Variants in ITGA11 observed in about 807,000 individuals in gnomAD.
ITGA11 encodes the protein integrin alpha-11.
Under a neutral mutation model 141.9 loss-of-function variants are expected in ITGA11, and 97 were observed. The ratio of observed to expected loss-of-function variants is 0.68; its 90% CI spans 0.58 to 0.81. The LOEUF (loss-of-function observed/expected upper bound fraction) is 0.81, where lower values mean the gene tolerates loss of function less well. Ranked by LOEUF, ITGA11 falls within the 30% of genes least tolerant of loss-of-function variation. The probability of loss-of-function intolerance (pLI) is 0.00; values close to 1 mark genes in which losing one functional copy is unlikely to be tolerated. For missense variants in ITGA11, 1,387 were observed against 1,559.2 expected, an observed-to-expected ratio of 0.89 and a Z score of 1.86; for synonymous variants, 658 against 624.6, an observed-to-expected ratio of 1.05 and a Z score of -0.80.
chr15:68,384,753 G>A lies in ITGA11; in HGVS notation c.165-15469C>T, dbSNP rs115649734. The stretch of plus-strand genomic sequence containing the variant: ...TGATGCCGGATTTTATTTGTTCCAA[G>A]AGAAAATAGCGGAGAGCGTTTATGT... On this transcript the variant is annotated intron_variant, in intron 2 of 29. Coordinates refer to ENST00000315757, the MANE Select transcript of ITGA11 (RefSeq NM_001004439.2). 1.6e-3 allele frequency among the ~76,000 whole-genome samples: 238 copies of A among 152,316 alleles called. 1 individual carries two copies. The highest frequency in any genetic ancestry group is 3.5e-3 in the Admixed American group (53 of 15,300).
In ITGA11 at chr15:68,303,720, T is replaced by C; in HGVS notation, c.3495+52A>G. The C allele has an allele frequency of 7.6e-7, 1 of 1,313,708 alleles. No individual in the cohort carries two copies. Among genetic ancestry groups the C allele is most frequent in the Admixed American group, 1.8e-5 (1 of 55,854 alleles). The allele number at this position is 1,313,708 out of a possible 1,614,324, so 81.4% of individuals were successfully genotyped here. A position where few individuals can be genotyped will look rare whatever the true frequency, so the allele number is the denominator to read the frequency against. ...CCACGAAGTTCCAGGGGCTGGAGCC[T>C]GGGCCCACCAGCCAGGATGCTGCTC... On this transcript the variant is annotated intron_variant, in intron 29 of 29. Coordinates refer to ENST00000315757, the MANE Select transcript of ITGA11 (RefSeq NM_001004439.2). This position sits in a 1 kb window ranked among gnomAD's most constrained non-coding sequence, Gnocchi z 5.3.
Position 68,369,202 on chromosome 15 carries a change from A to G in ITGA11, c.247T>C (p.Cys83Arg). ...VYKCPVIHGN[C>R]TKLNLGRVTL... ...ACGTTACCCAGGTTGAGTTTGGTGC[A>G]GTTCCCGTGGATCACTGGACACTTG... Residue 83 changes from cysteine (C) to arginine (R), a missense_variant, in exon 3 of 30, where the codon TGC becomes CGC. By Grantham distance (180) the Cys-to-Arg change is radical. Coordinates refer to ENST00000315757, the MANE Select transcript of ITGA11 (RefSeq NM_001004439.2). The G allele has an allele frequency of 1.2e-6, 2 of 1,613,668 alleles. No homozygotes were observed. Among genetic ancestry groups the G allele is most frequent in the East Asian group, 4.5e-5 (2 of 44,888 alleles).
chr15:68,409,480 G>T (rs769509999), intron 1 of ITGA11, among the ~76,000 whole-genome samples: 7 of 151,822 alleles, frequency 4.6e-5, no homozygotes, highest in Non-Finnish European at 8.8e-5. Flanking sequence ...ACTGATAGTA[G>T]GTACTGATAG....
intron 1 of ITGA11, among the ~76,000 whole-genome samples, chr15:68,427,992 AAGGCTCATTTTGT>A (rs1897183694): frequency 6.6e-6 from 1 of 152,116 alleles, no homozygotes; most frequent in Non-Finnish European, 1.5e-5. Flanking sequence ...GAGGATTTTT[AAGGCTCATTTTGT>A]AGCTGACCTT....
intron 12 of ITGA11, among the ~76,000 whole-genome samples, chr15:68,334,804 A>G (rs1402425649): frequency 1.3e-5 from 2 of 152,138 alleles, no homozygotes; most frequent in East Asian, 3.9e-4. Flanking sequence ...TTCATCAGCA[A>G]ATTCCCTCCA....
At position 68,427,012 on chromosome 15, in the gene ITGA11, CAAAAAAAA is replaced by C. The variant is rs148867034; in HGVS notation, c.52+4995_52+5002del. 2.7e-4 allele frequency among the ~76,000 whole-genome samples: 13 copies of C among 47,780 alleles called. No individual in the cohort carries two copies. The South Asian group carries it at 3.7e-3, about 14-fold the overall frequency. 31.3% of individuals were successfully genotyped at this position (47,780 alleles called of 152,430 possible). On this transcript the variant is annotated intron_variant, in intron 1 of 29. Coordinates refer to ENST00000315757, the MANE Select transcript of ITGA11 (RefSeq NM_001004439.2). ...CCTGGGCGACAGAGCAAGACTGTCT[CAAAAAAAA>C]AAAAAAAAAAAAAAAAAAAAAGGCA...
chr15:68,335,896 G>T lies in ITGA11; in HGVS notation c.1277-51C>A, dbSNP rs78171089. On this transcript the variant is annotated intron_variant, in intron 11 of 29. Coordinates refer to ENST00000315757, the MANE Select transcript of ITGA11 (RefSeq NM_001004439.2). The surrounding 1 kb of genome is among the most constrained non-coding windows in gnomAD (Gnocchi z 4.9). ...CTTTGGCACCGTGTCCTCAGCAGGC[G>T]TTGCTTGGCCCGGTGCATGGCTTGG... 1 of 1,581,258 alleles carries T rather than the reference G, an allele frequency of 6.3e-7. No individual in the cohort carries two copies. The highest frequency in any genetic ancestry group is 2.3e-5 in the East Asian group (1 of 43,356).
At chr15:68,369,036 G>A (rs1305368999) in intron 3 of ITGA11, 148 bp downstream of exon 3, 3 of 635,106 alleles carry the variant, frequency 4.7e-6, no homozygotes, top group Non-Finnish European at 8.5e-6. Context: ...TTCCTCATGT[G>A]TAAAGTGGGG....
chr15:68,315,271 T>C (rs1893533598), intron 22 of ITGA11, among the ~76,000 whole-genome samples: 1 of 152,222 alleles, frequency 6.6e-6, no homozygotes, highest in African/African-American at 2.4e-5. Flanking sequence ...ACTTGGAAGA[T>C]GGTGTGTGGA....
chr15:68,421,479 A>T (rs1897015390), intron 1 of ITGA11, among the ~76,000 whole-genome samples: 1 of 152,124 alleles, frequency 6.6e-6, no homozygotes, highest in Non-Finnish European at 1.5e-5. Flanking sequence ...TGTGACCTAC[A>T]TTCTGGTGGC....
chr15:68,424,366 C>T (rs1222310172), intron 1 of ITGA11, among the ~76,000 whole-genome samples: 3 of 152,212 alleles, frequency 2.0e-5, no homozygotes, highest in African/African-American at 7.2e-5. Context: ...AGTCATTTTC[C>T]TTCCCTGGAG....
At chr15:68,350,838 T>C in intron 8 of ITGA11, 56 bp from the exon 9 acceptor site, 5 of 1,558,186 alleles carry the variant, frequency 3.2e-6, no homozygotes, top group Non-Finnish European at 2.6e-6. Context: ...GACTTTCCCA[T>C]ACACCACACG....
intron 2 of ITGA11, among the ~76,000 whole-genome samples, chr15:68,377,315 C>A (rs1841405): frequency 0.67 from 101,560 of 152,068 alleles, 36,275 homozygotes; most frequent in East Asian, 0.88. Context: ...TCTGTTGCCC[C>A]GGCTGGAGTG....
At chr15:68,410,651 G>A (rs908655882) in intron 1 of ITGA11, among the ~76,000 whole-genome samples, 2 of 152,210 alleles carry the variant, frequency 1.3e-5, no homozygotes, top group African/African-American at 4.8e-5. Flanking sequence ...GAGGGTTCTT[G>A]CTCTGCTGCC....
At position 68,303,900 on chromosome 15, in the gene ITGA11, G is replaced by T; in HGVS notation, c.3382-15C>A. On this transcript the variant is annotated splice_polypyrimidine_tract_variant and intron_variant, in intron 28 of 29. Transcript: ENST00000315757. The surrounding 1 kb of genome is among the most constrained non-coding windows in gnomAD (Gnocchi z 5.3). ...TCAAACACGATCTGCAAGGGGAGGGGGGCCGGGCCAACAGCATTACTCTTC... is the reference window on the plus strand; with the variant it reads ...TCAAACACGATCTGCAAGGGGAGGGTGGCCGGGCCAACAGCATTACTCTTC... The T allele has an allele frequency of 6.4e-7, 1 of 1,569,052 alleles. No individual in the cohort carries two copies. Among genetic ancestry groups the T allele is most frequent in the Non-Finnish European group, 8.8e-7 (1 of 1,140,076 alleles).
At position 68,408,816 on chromosome 15, in the gene ITGA11, G is replaced by A. The variant is rs72745272; in HGVS notation, c.53-5787C>T. On this transcript the variant is annotated intron_variant, in intron 1 of 29. Transcript: ENST00000315757. ...TGCCATCCTGCCAGGCTCCTTGAGA[G>A]TCAGGCCAGACATGAAGAGAGGATG... Among the ~76,000 whole-genome samples, 1,068 of 152,262 alleles carry A rather than the reference G, an allele frequency of 7.0e-3. 5 individuals are homozygous for A. The highest frequency in any genetic ancestry group is 0.011 in the Admixed American group (172 of 15,304).
intron 1 of ITGA11, among the ~76,000 whole-genome samples, chr15:68,407,097 C>T (rs1042894387): frequency 2.6e-4 from 40 of 152,116 alleles, no homozygotes; most frequent in Admixed American, 1.5e-3. Context: ...AGAGGGTCTC[C>T]GCTTCCTGCC....
Position 68,298,058 on chromosome 15 carries a change from T to C in ITGA11, c.*5001A>G, listed in dbSNP as rs922034037. ...TAACCTAGTGAGACTGCGGAAATCATCCAGACAGGTTTTAAAACATTTTTT... is the reference window on the plus strand; with the variant it reads ...TAACCTAGTGAGACTGCGGAAATCACCCAGACAGGTTTTAAAACATTTTTT... On this transcript the variant is annotated 3_prime_UTR_variant, in exon 30 of 30. Transcript: ENST00000315757. 6.6e-6 allele frequency: 1 copy of C among 152,206 alleles called. No homozygotes were observed. Among genetic ancestry groups the C allele is most frequent in the Non-Finnish European group, 1.5e-5 (1 of 68,034 alleles). 9.4% of individuals were successfully genotyped at this position (152,206 alleles called of 1,614,324 possible). A position where few individuals can be genotyped will look rare whatever the true frequency, so the allele number is the denominator to read the frequency against.
At position 68,311,398 on chromosome 15, in the gene ITGA11, C is replaced by T. The variant is rs1022008739; in HGVS notation, c.2979G>A (p.Gln993=). 3.2e-6 allele frequency: 5 copies of T among 1,558,994 alleles called. No homozygotes were observed. The highest frequency in any genetic ancestry group is 4.3e-6 in the Non-Finnish European group (5 of 1,150,136). ...CGTGGATGGGGAACAAGCCCAAGTT[C>T]TGGATCTGTGGCCAGAGACAGGGAG... ...GPPFSCIFRI[Q]NLGLFPIHGM... is the part of the protein sequence containing the mutation. Residue 993 remains glutamine (Q), a synonymous_variant, in exon 25 of 30, where the codon CAG becomes CAA. Transcript: ENST00000315757.
Sources: gnomAD v4.1 joint callset for allele counts (sites outside exome capture counted in the v4.1 genomes callset) on GRCh38, gnomAD v4.1.1 for gene constraint, Gnocchi (gnomAD v3.1) non-coding constraint, MANE v1.5 for transcripts, NCBI Gene and HGNC (gene_info 2026-07-23, HGNC 2026-07-21) for gene names.